Variants in NRXN1 observed in about 807,000 individuals in gnomAD.
NRXN1 encodes neurexin 1, also known as neurexin-1.
NRXN1 carries 39 observed loss-of-function variants against 150.9 expected under a neutral mutation model. The observed-to-expected ratio is 0.26, with a 90% CI of 0.20 to 0.34. The LOEUF (loss-of-function observed/expected upper bound fraction) is 0.34, where lower values mean the gene tolerates loss of function less well. Among genes scored for constraint, NRXN1 ranks in the 10% least tolerant of loss-of-function variants. The pLI is 1.00. For missense variants in NRXN1, 1,815 were observed against 1,949.9 expected, an observed-to-expected ratio of 0.93 and a Z score of 1.30; for synonymous variants, 924 against 757.0, an observed-to-expected ratio of 1.22 and a Z score of -3.62.
At chr2:50,385,045 G>T (rs941627183) in intron 17 of NRXN1, among the ~76,000 whole-genome samples, 1 of 152,136 alleles carries the variant, frequency 6.6e-6, no homozygotes, top group Admixed American at 6.6e-5. Flanking sequence ...ACCATTTTGA[G>T]AACTCTTCTA....
chr2:50,538,554 G>A lies in NRXN1; in HGVS notation c.1842C>T (p.Tyr614=), dbSNP rs1173147068. 5.1e-6 allele frequency: 8 copies of A among 1,577,028 alleles called. No individual in the cohort carries two copies. The highest frequency in any genetic ancestry group is 6.9e-6 in the Non-Finnish European group (8 of 1,159,860). Residue 614 remains tyrosine, a synonymous_variant, in exon 10 of 23, where the codon TAC becomes TAT. Coordinates refer to ENST00000401669, the MANE Select transcript of NRXN1 (RefSeq NM_001330078.2). ...CTTTATTTTCTGGCAGCCCCCCCAGGTACAACTCATCATCCAGGTCCAGAA... is the reference window on the plus strand; with the variant it reads ...CTTTATTTTCTGGCAGCCCCCCCAGATACAACTCATCATCCAGGTCCAGAA... The part of the protein sequence containing the change: ...SEILDLDDEL[Y]LGGLPENKAG...
intron 21 of NRXN1, among the ~76,000 whole-genome samples, chr2:49,981,212 A>G (rs1478058376): frequency 1.3e-5 from 2 of 152,098 alleles, no homozygotes; most frequent in African/African-American, 4.8e-5. Flanking sequence ...TCCAACCTCA[A>G]GACCCAAAGG....
chr2:50,327,685 T>G (rs964044486), intron 17 of NRXN1, among the ~76,000 whole-genome samples: 2 of 151,536 alleles, frequency 1.3e-5, no homozygotes, highest in East Asian at 3.9e-4. Context: ...AGTCTCGCTC[T>G]TTCACCCGGG....
At chr2:50,464,169 G>C (rs955431630) in intron 17 of NRXN1, among the ~76,000 whole-genome samples, 1 of 151,760 alleles carries the variant, frequency 6.6e-6, no homozygotes, top group Non-Finnish European at 1.5e-5. Context: ...GTTCGCAAAT[G>C]TATGATAGTT....
intron 18 of NRXN1, among the ~76,000 whole-genome samples, chr2:50,169,924 A>T (rs1197372159): frequency 1.3e-5 from 2 of 152,068 alleles, no homozygotes; most frequent in Admixed American, 6.6e-5. Flanking sequence ...GAGGTGAACT[A>T]GGAGAAGATC....
chr2:50,373,953 T>C (rs1026467215), intron 17 of NRXN1, among the ~76,000 whole-genome samples: 5 of 151,908 alleles, frequency 3.3e-5, no homozygotes, highest in Non-Finnish European at 7.4e-5. Flanking sequence ...AATGATGCAG[T>C]TGGAAGGTAG....
intron 5 of NRXN1, among the ~76,000 whole-genome samples, chr2:50,881,652 G>T (rs1679447651): frequency 6.6e-6 from 1 of 151,906 alleles, no homozygotes; most frequent in Non-Finnish European, 1.5e-5. Context: ...AAGGCTGGAA[G>T]AGTGGAATCA....
At chr2:51,006,647 T>C (rs1441592786) in intron 2 of NRXN1, among the ~76,000 whole-genome samples, 2 of 151,972 alleles carry the variant, frequency 1.3e-5, no homozygotes, top group Non-Finnish European at 2.9e-5. Flanking sequence ...ACTCAAAAGG[T>C]AAGCTCCTTG....
At chr2:50,971,812 A>C (rs1465648225) in intron 2 of NRXN1, among the ~76,000 whole-genome samples, 1 of 152,104 alleles carries the variant, frequency 6.6e-6, no homozygotes, top group Non-Finnish European at 1.5e-5. Context: ...CTTTCTCAAC[A>C]TAATACAAAC....
intron 5 of NRXN1, among the ~76,000 whole-genome samples, chr2:50,907,976 A>G (rs1471177679): frequency 2.6e-5 from 4 of 152,134 alleles, no homozygotes; most frequent in Non-Finnish European, 5.9e-5. Context: ...AACAAGACTC[A>G]GCTAATGAAG....
intron 21 of NRXN1, among the ~76,000 whole-genome samples, chr2:49,985,388 G>A (rs1039182026): frequency 2.0e-5 from 3 of 152,098 alleles, no homozygotes; most frequent in Non-Finnish European, 4.4e-5. Context: ...CTTTGGCTTG[G>A]TAAATACTAT....
At chr2:50,834,277 T>C (rs1267556805) in intron 5 of NRXN1, among the ~76,000 whole-genome samples, 1 of 152,152 alleles carries the variant, frequency 6.6e-6, no homozygotes, top group Non-Finnish European at 1.5e-5. Flanking sequence ...AATACATTTG[T>C]TTTCTAGGTG....
chr2:50,697,197 T>C (rs1454935003), intron 5 of NRXN1, among the ~76,000 whole-genome samples: 1 of 152,172 alleles, frequency 6.6e-6, no homozygotes, highest in African/African-American at 2.4e-5. Flanking sequence ...TAATTCTGAG[T>C]GTTATATTTT....
In NRXN1 at chr2:50,891,373, G is replaced by T. The variant is rs372528101; in HGVS notation, c.832+30496C>A. ...ACTGACCATAAAGCACAGGACTCCA[G>T]GTCAGCTGCAAAGGCCATAACCTTC... On this transcript the variant is annotated intron_variant, in intron 5 of 22. Transcript: ENST00000401669. 5.9e-5 allele frequency among the ~76,000 whole-genome samples: 9 copies of T among 151,980 alleles called. 1 individual carries two copies. In the East Asian group the frequency reaches 1.4e-3, roughly 23 times the overall value.
intron 13 of NRXN1, among the ~76,000 whole-genome samples, chr2:50,499,976 G>C (rs969579957): frequency 1.3e-5 from 2 of 151,120 alleles, no homozygotes; most frequent in Non-Finnish European, 2.9e-5. Context: ...AGTCATATGG[G>C]CTTTGATATC....
At chr2:50,878,535 C>A (rs932430159) in intron 5 of NRXN1, among the ~76,000 whole-genome samples, 2 of 151,866 alleles carry the variant, frequency 1.3e-5, no homozygotes, top group African/African-American at 4.8e-5. Context: ...TGTGGGCATC[C>A]TGTACTGGCT....
At chr2:50,267,432 T>C (rs1344454098) in intron 17 of NRXN1, among the ~76,000 whole-genome samples, 1 of 152,174 alleles carries the variant, frequency 6.6e-6, no homozygotes, top group African/African-American at 2.4e-5. Flanking sequence ...GAACTATTCA[T>C]TTCAATAATG....
At chr2:50,576,665 T>C (rs998244007) in intron 8 of NRXN1, among the ~76,000 whole-genome samples, 5 of 152,116 alleles carry the variant, frequency 3.3e-5, no homozygotes, top group African/African-American at 1.2e-4. Context: ...TTTTATACAT[T>C]CTATATAAAA....
chr2:50,453,606 G>C (rs569108321), intron 17 of NRXN1, among the ~76,000 whole-genome samples: 1 of 152,098 alleles, frequency 6.6e-6, no homozygotes, highest in East Asian at 1.9e-4. Flanking sequence ...TCTTGTTCTT[G>C]GTACGGTTGC....
Sources: allele counts gnomAD v4.1 joint callset (sites outside exome capture counted in the v4.1 genomes callset), GRCh38; gene constraint gnomAD v4.1.1; transcripts MANE v1.5; gene names NCBI Gene and HGNC (gene_info 2026-07-23, HGNC 2026-07-21).